The following TTF2 variants were observed in gnomAD, a reference collection of about 807,000 sequenced individuals.
TTF2 encodes the protein transcription termination factor 2.
In TTF2, 108 loss-of-function variants were observed where a neutral mutation model predicts 142.4. The observed-to-expected ratio is 0.76, with a 90% CI of 0.65 to 0.89. TTF2 has a LOEUF of 0.89. TTF2 is among the 40% of genes least tolerant of loss of function. The probability of loss-of-function intolerance (pLI) is 0.00; values close to 1 mark genes in which losing one functional copy is unlikely to be tolerated. For synonymous variants in TTF2, 483 were observed against 506.2 expected, an observed-to-expected ratio of 0.95 and a Z score of 0.61; for missense variants, 1,327 against 1,379.8, an observed-to-expected ratio of 0.96 and a Z score of 0.61.
chr1:117,089,439 C>T (rs772856519), intron 13 of TTF2, among the ~76,000 whole-genome samples: 11 of 151,884 alleles, frequency 7.2e-5, no homozygotes, highest in Non-Finnish European at 1.5e-4. Flanking sequence ...CTGTAATCTC[C>T]ACACTTTGGA....
chr1:117,094,778 A>G (rs765735553), intron 18 of TTF2: 11 of 395,850 alleles, frequency 2.8e-5, no homozygotes, highest in Non-Finnish European at 4.0e-5. Flanking sequence ...GATAATAAGC[A>G]ATTAATATAC....
At position 117,079,057 on chromosome 1, in the gene TTF2, T is replaced by C. The variant is rs1241316671; in HGVS notation, c.1702-511T>C. 1.3e-5 allele frequency among the ~76,000 whole-genome samples: 2 copies of C among 152,046 alleles called. No homozygotes were observed. The highest frequency in any genetic ancestry group is 2.9e-5 in the Non-Finnish European group (2 of 68,006). ...GAGCTCAAGACTAGCCTGGCCAACA[T>C]GGTGAAACCCCATCTCTACTAAAAA... On this transcript the variant is annotated intron_variant, in intron 8 of 22. Transcript: ENST00000369466. This position sits in a 1 kb window ranked among gnomAD's most constrained non-coding sequence, Gnocchi z 4.2.
At chr1:117,066,719 A>T (rs868110076) in intron 3 of TTF2, among the ~76,000 whole-genome samples, 5 of 144,070 alleles carry the variant, frequency 3.5e-5, no homozygotes, top group African/African-American at 1.0e-4. Flanking sequence ...TTTTTTTTTT[A>T]AAAGACAGAG....
Position 117,101,287 on chromosome 1 carries a change from A to C in TTF2, c.3345-93A>C. The C allele has an allele frequency of 7.5e-7, 1 of 1,340,810 alleles. No homozygotes were observed. Among genetic ancestry groups the C allele is most frequent in the African/African-American group, 1.5e-5 (1 of 68,308 alleles). 83.1% of individuals were successfully genotyped at this position (1,340,810 alleles called of 1,614,324 possible). A position where few individuals can be genotyped will look rare whatever the true frequency, so the allele number is the denominator to read the frequency against. ...AAGACTTAAAGGAAGAAATCTCATT[A>C]AAAATGAAAGCATAATAAAAGTTTG... On this transcript the variant is annotated intron_variant, in intron 22 of 22. Coordinates refer to ENST00000369466, the MANE Select transcript of TTF2 (RefSeq NM_003594.4). The surrounding 1 kb of genome is among the most constrained non-coding windows in gnomAD (Gnocchi z 5.9).
rs1300162778 is a variant in TTF2, at chr1:117,099,965, A to G, written c.3344+1058A>G. The stretch of plus-strand genomic sequence containing the variant: ...GCACTCCAGTAAGTCCAAAATTTGT[A>G]TCTTTAGTTCCAAGGTCTCCTAAAC... On this transcript the variant is annotated intron_variant, in intron 22 of 22. Transcript: ENST00000369466. This position sits in a 1 kb window ranked among gnomAD's most constrained non-coding sequence, Gnocchi z 4.3. Among the ~76,000 whole-genome samples the G allele has an allele frequency of 1.3e-5, 2 of 152,236 alleles. No homozygotes were observed. Among genetic ancestry groups the G allele is most frequent in the East Asian group, 1.9e-4 (1 of 5,200 alleles).
At chr1:117,098,072 A>G (rs1015818490) in intron 21 of TTF2, 1 of 152,764 alleles carries the variant, frequency 6.5e-6, no homozygotes, top group African/African-American at 2.4e-5. Flanking sequence ...AATTCTCCAG[A>G]CAGCCCAGAT....
intron 3 of TTF2, among the ~76,000 whole-genome samples, chr1:117,065,628 A>G (rs1656036561): frequency 1.3e-5 from 2 of 152,266 alleles, no homozygotes; most frequent in East Asian, 1.9e-4. Flanking sequence ...ATTGTTTAAT[A>G]CTTTTCATTA....
chr1:117,076,286 C>G lies in TTF2; in HGVS notation c.1382C>G (p.Pro461Arg), dbSNP rs1557810839. ...EEVLSGLTLS[P>R]EQGTNEKSNS... ...GTACTCAGTGGTCTTACCCTTTCCC[C>G]AGAGCAAGGTAAAGTGGCTTATGCC... is the stretch of plus-strand genomic sequence containing the variant. The change falls in exon 6 of 23, where the codon CCA becomes CGA. Residue 461 changes from proline to arginine, a missense_variant. Transcript: ENST00000369466. The surrounding 1 kb of genome is among the most constrained non-coding windows in gnomAD (Gnocchi z 4.6). 6.2e-7 allele frequency: 1 copy of G among 1,613,676 alleles called. No homozygotes were observed. Among genetic ancestry groups the G allele is most frequent in the African/African-American group, 1.3e-5 (1 of 75,020 alleles).
rs1167459293 is a variant in TTF2, at chr1:117,093,430, C to T, written c.2976+529C>T. ...CTGCTGGAGGAAGGCTTAGATATGCCGTAACCTGAATCCTGCCTGTCTGCT... is the reference window on the plus strand; with the variant it reads ...CTGCTGGAGGAAGGCTTAGATATGCTGTAACCTGAATCCTGCCTGTCTGCT... On this transcript the variant is annotated intron_variant, in intron 18 of 22. Coordinates refer to ENST00000369466, the MANE Select transcript of TTF2 (RefSeq NM_003594.4). The surrounding 1 kb of genome is among the most constrained non-coding windows in gnomAD (Gnocchi z 4.5). 6.6e-6 allele frequency among the ~76,000 whole-genome samples: 1 copy of T among 152,140 alleles called. No individual in the cohort carries two copies. Among genetic ancestry groups the T allele is most frequent in the South Asian group, 2.1e-4 (1 of 4,828 alleles).
intron 20 of TTF2, 75 bp downstream of exon 20, chr1:117,096,374 G>T: frequency 6.5e-7 from 1 of 1,545,810 alleles, no homozygotes; most frequent in South Asian, 1.2e-5. Context: ...TTGTTTGGTT[G>T]GTTTTTGTTT....
intron 3 of TTF2, among the ~76,000 whole-genome samples, chr1:117,069,154 A>G (rs1373007657): frequency 6.6e-6 from 1 of 152,184 alleles, no homozygotes; most frequent in Non-Finnish European, 1.5e-5. Context: ...GTGTAAAAGA[A>G]TGAGGTAGAC....
chr1:117,095,251 G>C, intron 18 of TTF2, 58 bp from the exon 19 acceptor site: 3 of 1,561,282 alleles, frequency 1.9e-6, no homozygotes, highest in Non-Finnish European at 2.6e-6. Flanking sequence ...GGCAGGTGAG[G>C]GGAGATGGAG....
Position 117,102,403 on chromosome 1 carries a change from T to C in TTF2, c.*879T>C, listed in dbSNP as rs566289298. ...TCAGGCTGAAGATCAAGGAGATGCT[T>C]TGTACATGAACAGATGCTGAGTATC... On this transcript the variant is annotated 3_prime_UTR_variant, in exon 23 of 23. Coordinates refer to ENST00000369466, the MANE Select transcript of TTF2 (RefSeq NM_003594.4). 2.4e-4 allele frequency: 37 copies of C among 152,362 alleles called. No individual in the cohort carries two copies. The highest frequency in any genetic ancestry group is 8.7e-4 in the African/African-American group (36 of 41,584). The allele number at this position is 152,362 out of a possible 1,614,324, so 9.4% of individuals were successfully genotyped here.
chr1:117,107,379 G>A lies in TTF2; in HGVS notation c.*5855G>A, dbSNP rs1650023992. 6.6e-6 allele frequency: 1 copy of A among 152,210 alleles called. No homozygotes were observed. Among genetic ancestry groups the A allele is most frequent in the Non-Finnish European group, 1.5e-5 (1 of 68,046 alleles). The allele number at this position is 152,210 out of a possible 1,614,324, so 9.4% of individuals were successfully genotyped here. On this transcript the variant is annotated 3_prime_UTR_variant, in exon 23 of 23. Transcript: ENST00000369466. Reference sequence around the variant, plus strand: ...TCTTCTGGAAATTTTTTATTGCAATGTTACTTCATCTACATAAAGTTGTCC... The same window carrying A: ...TCTTCTGGAAATTTTTTATTGCAATATTACTTCATCTACATAAAGTTGTCC...
chr1:117,072,599 A>G (rs542948345), intron 3 of TTF2, among the ~76,000 whole-genome samples: 14 of 151,570 alleles, frequency 9.2e-5, no homozygotes, highest in African/African-American at 3.4e-4. Flanking sequence ...TAATTTTTGT[A>G]TTTTTAGTAG....
rs757971658 is a variant in TTF2 at position 117,107,021 on chromosome 1, A to AACGT, written c.*5500_*5503dup. On this transcript the variant is annotated 3_prime_UTR_variant, in exon 23 of 23. Coordinates refer to ENST00000369466, the MANE Select transcript of TTF2 (RefSeq NM_003594.4). Reference sequence around the variant, plus strand: ...TTCTTACCTGTAACACCAGAGGCATAACGTACATCATAATGCTGCATCTTG... The same window carrying AACGT: ...TTCTTACCTGTAACACCAGAGGCATAACGTACGTACATCATAATGCTGCATCTTG... 18 of 152,224 alleles carry AACGT rather than the reference A, an allele frequency of 1.2e-4. No homozygotes were observed. Among genetic ancestry groups the AACGT allele is most frequent in the Non-Finnish European group, 1.3e-4 (9 of 68,044 alleles). 9.4% of individuals were successfully genotyped at this position (152,224 alleles called of 1,614,324 possible).
rs775464710 is a variant in TTF2 at position 117,091,827 on chromosome 1, G to C, written c.2682G>C (p.Glu894Asp). The C allele has an allele frequency of 6.2e-7, 1 of 1,613,020 alleles. No individual in the cohort carries two copies. The highest frequency in any genetic ancestry group is 8.5e-7 in the Non-Finnish European group (1 of 1,179,592). Residue 894 changes from glutamate (E) to aspartate (D), a missense_variant, in exon 17 of 23, where the codon GAG (glutamate) becomes GAC (aspartate). Transcript: ENST00000369466. The stretch of plus-strand genomic sequence containing the variant: ...CTTCCCTCTTGGAAGTGGCACTGGA[G>C]TTTGGGTCTGAGGAGCCTAGACACT... ...PNNPFSRVAL[E>D]FGSEEPRHSE...
rs1657032425 is a variant in TTF2 at position 117,076,683 on chromosome 1, A to T, written c.1433A>T (p.His478Leu). ...KSNSQVPQQS[H>L]FTKTTTGPPH... Reference sequence around the variant, plus strand: ...AACAGTCAAGTACCACAGCAGAGTCACTTCACCAAAACTACCACTGGCCCT... The same window carrying T: ...AACAGTCAAGTACCACAGCAGAGTCTCTTCACCAAAACTACCACTGGCCCT... Residue 478 changes from histidine to leucine, a missense_variant, in exon 7 of 23, where the codon CAC (histidine) becomes CTC (leucine). Transcript: ENST00000369466. The surrounding 1 kb of genome is among the most constrained non-coding windows in gnomAD (Gnocchi z 4.6). 1 of 1,613,880 alleles carries T rather than the reference A, an allele frequency of 6.2e-7. No homozygotes were observed. The highest frequency in any genetic ancestry group is 1.1e-5 in the South Asian group (1 of 91,000).
intron 3 of TTF2, among the ~76,000 whole-genome samples, chr1:117,067,456 C>T (rs368186737): frequency 2.9e-5 from 4 of 139,686 alleles, no homozygotes; most frequent in South Asian, 2.4e-4. Context: ...GCCGGGGAAG[C>T]GGAGGTTGCA....
Sources: allele counts gnomAD v4.1 joint callset (sites outside exome capture counted in the v4.1 genomes callset), GRCh38; gene constraint gnomAD v4.1.1; non-coding constraint Gnocchi (gnomAD v3.1); transcripts MANE v1.5; gene names NCBI Gene and HGNC (gene_info 2026-07-23, HGNC 2026-07-21).